The following FBXL17 variants were observed in gnomAD, a reference collection of about 807,000 sequenced individuals.
FBXL17 encodes F-box and leucine rich repeat protein 17.
A neutral mutation model predicts 66.2 loss-of-function variants in FBXL17; 22 were observed. The observed-to-expected ratio is 0.33, with a 90% confidence interval of 0.24 to 0.47. The LOEUF (loss-of-function observed/expected upper bound fraction) is 0.47, where lower values mean the gene tolerates loss of function less well. FBXL17 is among the 20% of genes least tolerant of loss of function. The probability of loss-of-function intolerance (pLI) is 1.00; values close to 1 mark genes in which losing one functional copy is unlikely to be tolerated. For synonymous variants in FBXL17, 474 were observed against 400.5 expected, an observed-to-expected ratio of 1.18 and a Z score of -2.19; for missense variants, 878 against 948.2, an observed-to-expected ratio of 0.93 and a Z score of 0.97.
intron 3 of FBXL17, among the ~76,000 whole-genome samples, chr5:108,355,263 T>C (rs1747906062): frequency 2.5e-5 from 1 of 39,534 alleles, no homozygotes; most frequent in Non-Finnish European, 5.0e-5. Flanking sequence ...TGAAAAACTT[T>C]ATTTATTTAT....
chr5:108,261,738 C>G (rs535477446), intron 4 of FBXL17, among the ~76,000 whole-genome samples: 60 of 151,770 alleles, frequency 4.0e-4, no homozygotes, highest in Non-Finnish European at 7.4e-4. Flanking sequence ...GTCTTAAAAA[C>G]TAACATAAAC....
intron 6 of FBXL17, among the ~76,000 whole-genome samples, chr5:108,153,945 C>A (rs1020400882): frequency 6.6e-6 from 1 of 152,144 alleles, no homozygotes. Context: ...TTCCTTCTTG[C>A]AGGAAGTGTT....
In FBXL17 at chr5:108,346,921, C is replaced by T. The variant is rs935866008; in HGVS notation, c.1506+1478G>A. Among the ~76,000 whole-genome samples the T allele has an allele frequency of 2.6e-5, 4 of 152,048 alleles. No homozygotes were observed. The East Asian group carries it at 7.7e-4, about 29-fold the overall frequency. On this transcript the variant is annotated intron_variant, in intron 4 of 8. Coordinates refer to ENST00000542267, the MANE Select transcript of FBXL17 (RefSeq NM_001163315.3). ...CCTACTGTCTCAAGAATGACTATTA[C>T]ATAAAAATTATTAAATGTTATGAAC...
chr5:107,915,368 A>G (rs1750091662), intron 7 of FBXL17, among the ~76,000 whole-genome samples: 1 of 152,220 alleles, frequency 6.6e-6, no homozygotes, highest in Non-Finnish European at 1.5e-5. Context: ...TAAAAAAAAG[A>G]ACCGTAGTTA....
At chr5:107,923,162 G>A in intron 7 of FBXL17, among the ~76,000 whole-genome samples, 1 of 152,100 alleles carries the variant, frequency 6.6e-6, no homozygotes, top group Non-Finnish European at 1.5e-5. Flanking sequence ...GAAAAAACAA[G>A]GCAGGAATTG....
intron 3 of FBXL17, among the ~76,000 whole-genome samples, chr5:108,357,337 G>A (rs1427649058): frequency 6.6e-6 from 1 of 152,014 alleles, no homozygotes; most frequent in African/African-American, 2.4e-5. Flanking sequence ...GTCAGAATAT[G>A]TGAAGCAAAA....
At chr5:108,326,064 CAG>C (rs1330530887) in intron 4 of FBXL17, among the ~76,000 whole-genome samples, 1 of 152,076 alleles carries the variant, frequency 6.6e-6, no homozygotes, top group Non-Finnish European at 1.5e-5. Flanking sequence ...CAAACAATAA[CAG>C]AGAAAAACAA....
At chr5:107,927,227 T>C (rs1750553358) in intron 7 of FBXL17, among the ~76,000 whole-genome samples, 1 of 152,146 alleles carries the variant, frequency 6.6e-6, no homozygotes, top group African/African-American at 2.4e-5. Context: ...ATGTTATAAA[T>C]AATAAATGGC....
chr5:108,065,013 G>A (rs1748063796), intron 6 of FBXL17, among the ~76,000 whole-genome samples: 1 of 152,090 alleles, frequency 6.6e-6, no homozygotes, highest in Admixed American at 6.6e-5. Context: ...TTAAGAGAAT[G>A]AAAATGAAGT....
At chr5:108,054,377 G>A (rs1454303077) in intron 6 of FBXL17, among the ~76,000 whole-genome samples, 2 of 152,118 alleles carry the variant, frequency 1.3e-5, no homozygotes, top group Admixed American at 6.5e-5. Flanking sequence ...GGAAGAAAAG[G>A]AGGGTCACCT....
chr5:108,031,747 ACTT>A (rs2112785706), intron 6 of FBXL17, among the ~76,000 whole-genome samples: 1 of 152,274 alleles, frequency 6.6e-6, no homozygotes, highest in South Asian at 2.1e-4. Flanking sequence ...CAGAGATGAT[ACTT>A]CACTACACCT....
At chr5:108,370,366 T>C (rs1228303710) in intron 1 of FBXL17, among the ~76,000 whole-genome samples, 2 of 152,146 alleles carry the variant, frequency 1.3e-5, no homozygotes. Context: ...CTCTACTATG[T>C]TTAAATCTTG....
chr5:108,359,510 C>T (rs1748209610), intron 3 of FBXL17, among the ~76,000 whole-genome samples: 1 of 152,262 alleles, frequency 6.6e-6, no homozygotes, highest in Non-Finnish European at 1.5e-5. Context: ...TCTCACTCAT[C>T]TCAAGATATT....
chr5:108,344,523 C>T (rs967646143), intron 4 of FBXL17, among the ~76,000 whole-genome samples: 3 of 151,906 alleles, frequency 2.0e-5, no homozygotes, highest in East Asian at 1.9e-4. Context: ...ACACACATAA[C>T]GCATACAGAT....
intron 4 of FBXL17, among the ~76,000 whole-genome samples, chr5:108,240,167 A>G (rs1356989757): frequency 1.3e-5 from 2 of 152,020 alleles, no homozygotes; most frequent in Admixed American, 1.3e-4. Context: ...AACTCCTTCT[A>G]CTTGAGAAAA....
At position 108,180,560 on chromosome 5, in the gene FBXL17, A is replaced by G. The variant is rs1209119499; in HGVS notation, c.1745+5557T>C. Among the ~76,000 whole-genome samples, 5 of 152,146 alleles carry G rather than the reference A, an allele frequency of 3.3e-5. No homozygotes were observed. The East Asian group carries it at 7.7e-4, about 23-fold the overall frequency. On this transcript the variant is annotated intron_variant, in intron 6 of 8. Transcript: ENST00000542267. ...TAGGTACTATTTTAACCTCTAGTAC[A>G]TAAAAAATAAAATAGCAATATTTTG...
At chr5:108,049,994 G>A (rs1425860597) in intron 6 of FBXL17, among the ~76,000 whole-genome samples, 2 of 151,578 alleles carry the variant, frequency 1.3e-5, no homozygotes, top group East Asian at 2.0e-4. Flanking sequence ...ACAAAGAAGG[G>A]CATTACATAA....
At chr5:108,086,603 G>C (rs1748979691) in intron 6 of FBXL17, among the ~76,000 whole-genome samples, 1 of 152,134 alleles carries the variant, frequency 6.6e-6, no homozygotes, top group African/African-American at 2.4e-5. Context: ...CTGTTGCCCA[G>C]GCTGGAGTGC....
intron 6 of FBXL17, among the ~76,000 whole-genome samples, chr5:108,140,596 A>G (rs143092228): frequency 6.6e-6 from 1 of 152,236 alleles, no homozygotes; most frequent in Non-Finnish European, 1.5e-5. Context: ...TATTGGGGTT[A>G]CATGTGGGCC....
Sources: allele counts gnomAD v4.1 joint callset (sites outside exome capture counted in the v4.1 genomes callset), GRCh38; gene constraint gnomAD v4.1.1; transcripts MANE v1.5; gene names NCBI Gene and HGNC (gene_info 2026-07-23, HGNC 2026-07-21).